Variants in GABRB1 observed in about 807,000 individuals in gnomAD.
The protein encoded by GABRB1 is gamma-aminobutyric acid receptor subunit beta-1.
A neutral mutation model predicts 51.6 loss-of-function variants in GABRB1; 17 were observed. The ratio of observed to expected loss-of-function variants is 0.33; its 90% confidence interval spans 0.23 to 0.49. The LOEUF is 0.49. Ranked by LOEUF, GABRB1 falls within the 20% of genes least tolerant of loss-of-function variation. The probability of loss-of-function intolerance (pLI) is 0.99; values close to 1 mark genes in which losing one functional copy is unlikely to be tolerated. For missense variants in GABRB1, 410 were observed against 600.6 expected (o/e 0.68, Z 3.32); for synonymous variants, 247 against 218.9 (o/e 1.13, Z -1.14).
At chr4:47,204,293 A>C (rs1720024388) in intron 4 of GABRB1, among the ~76,000 whole-genome samples, 1 of 152,144 alleles carries the variant, frequency 6.6e-6, no homozygotes, top group Non-Finnish European at 1.5e-5. Context: ...TCGAAATCAG[A>C]AGCACAGTCA....
chr4:47,368,297 T>A (rs761342188), intron 5 of GABRB1, among the ~76,000 whole-genome samples: 2 of 152,202 alleles, frequency 1.3e-5, no homozygotes, highest in Non-Finnish European at 2.9e-5. Flanking sequence ...CTAGTTGGTA[T>A]TATCTACTCC....
chr4:47,149,303 CAT>C (rs1717323588), intron 3 of GABRB1, among the ~76,000 whole-genome samples: 1 of 151,950 alleles, frequency 6.6e-6, no homozygotes, highest in African/African-American at 2.4e-5. Flanking sequence ...TGTTCTGTAA[CAT>C]ATTTTAGGCT....
At position 47,301,459 on chromosome 4, in the gene GABRB1, A is replaced by T. The variant is rs192704275; in HGVS notation, c.462-18668A>T. Among the ~76,000 whole-genome samples, 807 of 142,384 alleles carry T rather than the reference A, an allele frequency of 5.7e-3. 2 individuals are homozygous for T. The highest frequency in any genetic ancestry group is 9.8e-3 in the Non-Finnish European group (603 of 61,440). 93.4% of individuals were successfully genotyped at this position (142,384 alleles called of 152,430 possible). ...CAAGACCAGCCTGGACAACATAGTG[A>T]GATCCCCATCTCTACAATAAAAAAT... On this transcript the variant is annotated intron_variant, in intron 4 of 8. Transcript: ENST00000295454.
At chr4:47,337,446 C>A (rs1369025817) in intron 5 of GABRB1, among the ~76,000 whole-genome samples, 1 of 151,860 alleles carries the variant, frequency 6.6e-6, no homozygotes, top group African/African-American at 2.4e-5. Flanking sequence ...GGACTGTGTG[C>A]CTCAGTGGGC....
intron 3 of GABRB1, among the ~76,000 whole-genome samples, chr4:47,132,763 A>G (rs767942504): frequency 3.9e-5 from 6 of 152,332 alleles, no homozygotes; most frequent in Middle Eastern, 3.4e-3. Flanking sequence ...AGAGAGCCCT[A>G]CTGCTAAATA....
intron 4 of GABRB1, among the ~76,000 whole-genome samples, chr4:47,311,336 T>A (rs1047274621): frequency 1.8e-4 from 26 of 143,042 alleles, no homozygotes; most frequent in Non-Finnish European, 3.7e-4. Flanking sequence ...CTCTTGAAGC[T>A]GGGAGATGGA....
chr4:47,179,932 T>C (rs1048713922), intron 4 of GABRB1, among the ~76,000 whole-genome samples: 4 of 152,080 alleles, frequency 2.6e-5, no homozygotes, highest in Admixed American at 2.6e-4. Flanking sequence ...AGAACTTTAA[T>C]ATTCATCCAT....
At chr4:47,232,471 T>C (rs1721174972) in intron 4 of GABRB1, among the ~76,000 whole-genome samples, 1 of 152,206 alleles carries the variant, frequency 6.6e-6, no homozygotes, top group South Asian at 2.1e-4. Flanking sequence ...AACCTTCTTC[T>C]TATTTGGTTC....
At chr4:47,180,015 G>T (rs185084688) in intron 4 of GABRB1, among the ~76,000 whole-genome samples, 258 of 152,156 alleles carry the variant, frequency 1.7e-3, no homozygotes, top group South Asian at 0.01. Context: ...AGACTAGCCT[G>T]GGCAGCATAG....
intron 1 of GABRB1, among the ~76,000 whole-genome samples, chr4:47,011,454 G>A (rs541869436): frequency 3.9e-5 from 6 of 152,202 alleles, no homozygotes; most frequent in Admixed American, 1.3e-4. Flanking sequence ...CCAAAAACTA[G>A]GTGCAAGAAT....
chr4:47,032,907 C>G (rs904964784), intron 3 of GABRB1: 1 of 363,606 alleles, frequency 2.8e-6, no homozygotes, highest in Non-Finnish European at 5.5e-6. Context: ...CCATGGCCCT[C>G]GCAGTCCGCG....
intron 3 of GABRB1, among the ~76,000 whole-genome samples, chr4:47,068,613 T>C (rs1727183261): frequency 6.6e-6 from 1 of 152,172 alleles, no homozygotes; most frequent in Non-Finnish European, 1.5e-5. Context: ...AGCTTGTTGG[T>C]GGAGCAATCA....
intron 5 of GABRB1, among the ~76,000 whole-genome samples, chr4:47,349,010 T>A (rs2109995563): frequency 6.6e-6 from 1 of 152,254 alleles, no homozygotes; most frequent in South Asian, 2.1e-4. Flanking sequence ...TTGCTTGAAT[T>A]AATGGATAAA....
intron 4 of GABRB1, among the ~76,000 whole-genome samples, chr4:47,282,043 CTCA>C (rs1723310312): frequency 6.6e-6 from 1 of 150,670 alleles, no homozygotes; most frequent in South Asian, 2.1e-4. Context: ...ATTTAATGTT[CTCA>C]TCATTAAAAA....
At chr4:47,045,647 C>T (rs748860854) in intron 3 of GABRB1, among the ~76,000 whole-genome samples, 1 of 151,996 alleles carries the variant, frequency 6.6e-6, no homozygotes, top group Admixed American at 6.6e-5. Flanking sequence ...ACAGCCTTCA[C>T]ATGGTGTGCT....
chr4:47,258,376 G>GAT (rs1722299078), intron 4 of GABRB1, among the ~76,000 whole-genome samples: 1 of 152,076 alleles, frequency 6.6e-6, no homozygotes, highest in African/African-American at 2.4e-5. Context: ...GCTTATCAGA[G>GAT]ATAAGTTTAG....
In GABRB1 at chr4:47,087,059, G is replaced by A. The variant is rs564472959; in HGVS notation, c.240+54575G>A. ...TGGGCTCCACCTGGGTATAACCAACGTCTCACAAAATGCTTCGTGGATTTC... is the reference window on the plus strand; with the variant it reads ...TGGGCTCCACCTGGGTATAACCAACATCTCACAAAATGCTTCGTGGATTTC... On this transcript the variant is annotated intron_variant, in intron 3 of 8. Coordinates refer to ENST00000295454, the MANE Select transcript of GABRB1 (RefSeq NM_000812.4). Among the ~76,000 whole-genome samples the A allele has an allele frequency of 4.6e-5, 7 of 152,208 alleles. No homozygotes were observed. In the East Asian group the frequency reaches 9.7e-4, roughly 21 times the overall value.
At chr4:47,169,621 C>G (rs970257040) in intron 4 of GABRB1, among the ~76,000 whole-genome samples, 5 of 152,096 alleles carry the variant, frequency 3.3e-5, no homozygotes, top group Admixed American at 3.3e-4. Context: ...CCTGCCTCAG[C>G]CTCCCGAGTA....
At position 47,142,890 on chromosome 4, in the gene GABRB1, T is replaced by C. The variant is rs116892927; in HGVS notation, c.241-18359T>C. ...ATTTTCAGTATCCTTTTTAGCACTG[T>C]ATGTATATTACGAAACAAATATGTT... On this transcript the variant is annotated intron_variant, in intron 3 of 8. Transcript: ENST00000295454. Among the ~76,000 whole-genome samples, 54 of 151,996 alleles carry C rather than the reference T, an allele frequency of 3.6e-4. 1 individual carries two copies. The East Asian group carries it at 0.01, about 29-fold the overall frequency.
Sources: gnomAD v4.1 joint callset for allele counts (sites outside exome capture counted in the v4.1 genomes callset) on GRCh38, gnomAD v4.1.1 for gene constraint, MANE v1.5 for transcripts, NCBI Gene and HGNC (gene_info 2026-07-23, HGNC 2026-07-21) for gene names.